The following PRKDC variants were observed in gnomAD, a reference collection of about 807,000 sequenced individuals.
PRKDC encodes DNA-dependent protein kinase catalytic subunit.
In PRKDC, 82 loss-of-function variants were observed where a neutral mutation model predicts 486.9. The ratio of observed to expected loss-of-function variants is 0.17; its 90% CI spans 0.14 to 0.20. The LOEUF is 0.20. Ranked by LOEUF, PRKDC falls within the 10% of genes least tolerant of loss-of-function variation. The probability of loss-of-function intolerance (pLI) is 1.00; values close to 1 mark genes in which losing one functional copy is unlikely to be tolerated. For missense variants in PRKDC, 4,504 were observed against 5,038.2 expected (o/e 0.89, Z 3.21); for synonymous variants, 1,895 against 1,837.0 (o/e 1.03, Z -0.81).
intron 74 of PRKDC, among the ~76,000 whole-genome samples, chr8:47,791,205 A>C (rs1225889091): frequency 6.6e-6 from 1 of 152,190 alleles, no homozygotes; most frequent in Non-Finnish European, 1.5e-5. Flanking sequence ...GGCCGGGCGC[A>C]GTGGCTCATG....
intron 22 of PRKDC, among the ~76,000 whole-genome samples, chr8:47,915,900 C>T (rs560948897): frequency 3.3e-5 from 5 of 152,284 alleles, no homozygotes; most frequent in Admixed American, 2.6e-4. Flanking sequence ...ACTGAACCAG[C>T]GTAGTTTCTT....
rs1173757735 is a variant in PRKDC at position 47,917,499 on chromosome 8, T to C, written c.2526+778A>G. On this transcript the variant is annotated intron_variant, in intron 22 of 85. Coordinates refer to ENST00000314191, the MANE Select transcript of PRKDC (RefSeq NM_006904.7). ...TTTAATTCTTACTTCATTCCAAAAA[T>C]AGCTATTTTCCCTATTCTAACTCAA... Among the ~76,000 whole-genome samples the C allele has an allele frequency of 1.3e-5, 2 of 152,206 alleles. 1 individual carries two copies. Among genetic ancestry groups the C allele is most frequent in the African/African-American group, 4.8e-5 (2 of 41,458 alleles).
intron 61 of PRKDC, among the ~76,000 whole-genome samples, chr8:47,829,192 C>T (rs184694214): frequency 2.0e-5 from 3 of 152,266 alleles, no homozygotes; most frequent in Admixed American, 1.3e-4. Flanking sequence ...TTTTGCTACA[C>T]GTTTGCCTCT....
At chr8:47,928,224 G>C (rs1051024295) in intron 19 of PRKDC, among the ~76,000 whole-genome samples, 2 of 147,790 alleles carry the variant, frequency 1.4e-5, no homozygotes, top group African/African-American at 5.0e-5. Context: ...GTGCAATCTC[G>C]GCTCACTGCA....
chr8:47,878,806 C>T (rs2089143928), intron 39 of PRKDC, among the ~76,000 whole-genome samples: 2 of 152,196 alleles, frequency 1.3e-5, no homozygotes, highest in Admixed American at 6.5e-5. Flanking sequence ...CACTGCACTT[C>T]AGCCTAGACG....
At position 47,786,782 on chromosome 8, in the gene PRKDC, T is replaced by C. The variant is rs558546740; in HGVS notation, c.10903-1465A>G. The stretch of plus-strand genomic sequence containing the variant: ...TCTTGCTCTGTCACCCAGGCTAGAG[T>C]GCGGTGGTGCGATCTCGGCTCACTG... On this transcript the variant is annotated intron_variant, in intron 76 of 85. Coordinates refer to ENST00000314191, the MANE Select transcript of PRKDC (RefSeq NM_006904.7). Among the ~76,000 whole-genome samples the C allele has an allele frequency of 1.8e-3, 218 of 122,026 alleles. 2 individuals are homozygous for C. The highest frequency in any genetic ancestry group is 3.4e-3 in the Admixed American group (29 of 8,424). 80.1% of individuals were successfully genotyped at this position (122,026 alleles called of 152,430 possible).
rs370182783 is a variant in PRKDC at position 47,897,185 on chromosome 8, A to G, written c.3574T>C (p.Tyr1192His). ...ECRHKSIELF[Y>H]KFVPLLPGNR... ...CCTGGCAATAAAGGAACGAATTTAT[A>G]AAAGAGTTCAATGGATTTGTGTCGA... Residue 1192 changes from tyrosine to histidine, a missense_variant, in exon 30 of 86, where the codon TAT (tyrosine) becomes CAT (histidine). Transcript: ENST00000314191. 8 of 1,602,470 alleles carry G rather than the reference A, an allele frequency of 5.0e-6. No homozygotes were observed. The highest frequency in any genetic ancestry group is 6.8e-6 in the Non-Finnish European group (8 of 1,170,610).
chr8:47,797,609 A>G (rs1310457367), intron 73 of PRKDC, among the ~76,000 whole-genome samples: 1 of 152,222 alleles, frequency 6.6e-6, no homozygotes, highest in African/African-American at 2.4e-5. Flanking sequence ...ATAAATGTCA[A>G]CTACGAAGCC....
chr8:47,816,780 T>C (rs2087456966), intron 68 of PRKDC, among the ~76,000 whole-genome samples: 1 of 151,956 alleles, frequency 6.6e-6, no homozygotes, highest in Admixed American at 6.5e-5. Context: ...CTACTTTTCT[T>C]GCAACTTTTC....
intron 40 of PRKDC, among the ~76,000 whole-genome samples, chr8:47,872,100 T>C (rs1356874473): frequency 6.6e-6 from 1 of 152,088 alleles, no homozygotes. Context: ...TGTAATAAGG[T>C]ATAACTTGAA....
At chr8:47,942,214 T>C (rs952791324) in intron 10 of PRKDC, among the ~76,000 whole-genome samples, 5 of 152,234 alleles carry the variant, frequency 3.3e-5, no homozygotes, top group African/African-American at 7.2e-5. Flanking sequence ...ATTCCTCTGA[T>C]TTTTATTTCC....
At chr8:47,826,592 G>A (rs2087742013) in intron 63 of PRKDC, 64 bp downstream of exon 63, 1 of 1,471,474 alleles carries the variant, frequency 6.8e-7, no homozygotes, top group South Asian at 1.3e-5. Context: ...ATGAAGCCAA[G>A]TGTTTTCCGT....
In PRKDC at chr8:47,836,320, G is replaced by A. The variant is rs748798585; in HGVS notation, c.7951+18C>T. Reference sequence around the variant, plus strand: ...TCAGGGTGCTGTATACATGGCCAGCGGGCAGGGTCACTGTTACCTGCAGTC... The same window carrying A: ...TCAGGGTGCTGTATACATGGCCAGCAGGCAGGGTCACTGTTACCTGCAGTC... On this transcript the variant is annotated intron_variant, in intron 58 of 85. Coordinates refer to ENST00000314191, the MANE Select transcript of PRKDC (RefSeq NM_006904.7). 9 of 1,538,546 alleles carry A rather than the reference G, an allele frequency of 5.8e-6. No individual in the cohort carries two copies. Among genetic ancestry groups the A allele is most frequent in the Admixed American group, 2.0e-5 (1 of 51,048 alleles).
chr8:47,874,190 C>G (rs2089034137), intron 40 of PRKDC, among the ~76,000 whole-genome samples: 1 of 151,788 alleles, frequency 6.6e-6, no homozygotes, highest in Non-Finnish European at 1.5e-5. Flanking sequence ...ACCTTATGAT[C>G]TGCCCGCCTT....
At chr8:47,927,685 C>G (rs2090176359) in intron 20 of PRKDC, 86 bp downstream of exon 20, 1 of 1,388,230 alleles carries the variant, frequency 7.2e-7, no homozygotes, top group African/African-American at 1.5e-5. Flanking sequence ...CCTGCTGGGA[C>G]TGCCAGGGCA....
At chr8:47,883,254 T>C (rs2089260139) in intron 36 of PRKDC, among the ~76,000 whole-genome samples, 1 of 152,248 alleles carries the variant, frequency 6.6e-6, no homozygotes, top group South Asian at 2.1e-4. Flanking sequence ...TCTTGCAATG[T>C]CCACACTGCC....
chr8:47,918,211 T>C, intron 22 of PRKDC, 66 bp downstream of exon 22: 1 of 1,081,048 alleles, frequency 9.3e-7, no homozygotes, highest in South Asian at 1.9e-5. Flanking sequence ...GATTTTTACT[T>C]TTCACAAGTG....
Position 47,913,945 on chromosome 8 carries a change from G to C in PRKDC, c.2737C>G (p.Arg913Gly), listed in dbSNP as rs1421552233. 1 of 1,611,294 alleles carries C rather than the reference G, an allele frequency of 6.2e-7. No individual in the cohort carries two copies. Residue 913 changes from arginine (R) to glycine (G), a missense_variant, in exon 24 of 86, where the codon CGA becomes GGA. Transcript: ENST00000314191. Reference protein sequence around the residue: ...PVIFLDVFLPRVTELALTASD... With the variant: ...PVIFLDVFLPGVTELALTASD... ...GCTGTGAGCGCTAATTCTGTGACTC[G>C]AGGCAGGAACACATCCAGGAAAATG...
intron 51 of PRKDC, among the ~76,000 whole-genome samples, chr8:47,853,556 C>T (rs999586733): frequency 2.0e-5 from 3 of 152,162 alleles, no homozygotes; most frequent in Admixed American, 2.0e-4. Context: ...CTTGACATGT[C>T]ACACCCAGCT....
Sources: gnomAD v4.1 joint callset for allele counts (sites outside exome capture counted in the v4.1 genomes callset) on GRCh38, gnomAD v4.1.1 for gene constraint, MANE v1.5 for transcripts, NCBI Gene and HGNC (gene_info 2026-07-23, HGNC 2026-07-21) for gene names.